DNAH17: variants seen among roughly 807,000 people sequenced by gnomAD.
DNAH17 encodes dynein axonemal heavy chain 17.
DNAH17 carries 376 observed loss-of-function variants against 485.6 expected under a neutral mutation model. The observed-to-expected ratio is 0.77, with a 90% CI of 0.71 to 0.84. DNAH17 has a LOEUF of 0.84. Among genes scored for constraint, DNAH17 ranks in the 40% least tolerant of loss-of-function variants. The probability of loss-of-function intolerance (pLI) is 0.00; values close to 1 mark genes in which losing one functional copy is unlikely to be tolerated. For missense variants in DNAH17, 6,370 were observed against 5,839.3 expected (o/e 1.09, Z -2.96); for synonymous variants, 3,031 against 2,405.9 (o/e 1.26, Z -7.60).
At chr17:78,571,403 C>A (rs1368463645) in intron 4 of DNAH17, 25 bp from the exon 5 acceptor site, 1 of 1,586,070 alleles carries the variant, frequency 6.3e-7, no homozygotes, top group Admixed American at 1.7e-5. Context: ...GAAGATCCAC[C>A]TTTCATTGAC....
Position 78,507,787 on chromosome 17 carries a change from T to TG in DNAH17, c.4254dup (p.Ser1419GlnfsTer73). On this transcript the variant is annotated frameshift_variant, in exon 28 of 81. Coordinates refer to ENST00000389840, the MANE Select transcript of DNAH17 (RefSeq NM_173628.4). LOFTEE classifies it high-confidence loss of function. ...TGGAATTCCATCATGCTCCAGGTAC[T>TG]GTCCAGGGCTTTCAGCACCTTTTGG... is the stretch of plus-strand genomic sequence containing the variant. 6.4e-7 allele frequency: 1 copy of TG among 1,573,726 alleles called. No individual in the cohort carries two copies. The highest frequency in any genetic ancestry group is 8.6e-7 in the Non-Finnish European group (1 of 1,164,734).
In DNAH17 at chr17:78,439,234, C is replaced by CT; in HGVS notation, c.11678-18_11678-17insA. ...GTTTTTTTCCTAAAGAAAAGAAAAA[C>CT]AGGAAAAAAACACCACGTAATTAAA... On this transcript the variant is annotated splice_polypyrimidine_tract_variant and intron_variant, in intron 72 of 80. Coordinates refer to ENST00000389840, the MANE Select transcript of DNAH17 (RefSeq NM_173628.4). The CT allele has an allele frequency of 6.3e-7, 1 of 1,590,592 alleles. No individual in the cohort carries two copies. Among genetic ancestry groups the CT allele is most frequent in the Non-Finnish European group, 8.5e-7 (1 of 1,169,630 alleles).
At chr17:78,522,578 G>T in intron 25 of DNAH17, 1 of 284,400 alleles carries the variant, frequency 3.5e-6, no homozygotes. Flanking sequence ...CCCAACGCAG[G>T]CAGCCACTGG....
chr17:78,447,652 A>C (rs970935893), intron 69 of DNAH17, among the ~76,000 whole-genome samples: 2 of 152,202 alleles, frequency 1.3e-5, no homozygotes, highest in Middle Eastern at 3.2e-3. Flanking sequence ...TAGGGGGAGC[A>C]CTGAGGAACT....
intron 13 of DNAH17, among the ~76,000 whole-genome samples, chr17:78,559,232 C>A (rs2092098124): frequency 6.6e-6 from 1 of 152,232 alleles, no homozygotes; most frequent in South Asian, 2.1e-4. Context: ...CAACCCCAGC[C>A]TCTCTCGTGA....
At chr17:78,488,330 T>C (rs572359008) in intron 44 of DNAH17, among the ~76,000 whole-genome samples, 4 of 152,200 alleles carry the variant, frequency 2.6e-5, no homozygotes, top group African/African-American at 9.6e-5. Context: ...GGGCTGCTCC[T>C]GCTGTCTGGG....
chr17:78,569,761 G>A (rs564579211), intron 7 of DNAH17, among the ~76,000 whole-genome samples: 4 of 152,342 alleles, frequency 2.6e-5, no homozygotes, highest in African/African-American at 9.6e-5. Flanking sequence ...GATGATGAGA[G>A]GCCCTCCAGG....
intron 71 of DNAH17, 75 bp from the exon 72 acceptor site, chr17:78,441,274 G>A: frequency 6.4e-7 from 1 of 1,553,142 alleles, no homozygotes; most frequent in South Asian, 1.2e-5. Context: ...GTGGGCTGTG[G>A]CCCAGGCAGG....
intron 77 of DNAH17, chr17:78,428,191 G>T: frequency 2.5e-6 from 1 of 398,828 alleles, no homozygotes; most frequent in Non-Finnish European, 4.8e-6. Flanking sequence ...AGGCCAGGGT[G>T]GGGAATGGTC....
At chr17:78,545,058 C>T (rs534917064) in intron 16 of DNAH17, among the ~76,000 whole-genome samples, 2 of 148,952 alleles carry the variant, frequency 1.3e-5, no homozygotes, top group East Asian at 4.1e-4. Flanking sequence ...GCCTCTGTCA[C>T]TCTTATCATT....
chr17:78,440,205 G>A (rs1453071027), intron 72 of DNAH17, among the ~76,000 whole-genome samples: 4 of 149,716 alleles, frequency 2.7e-5, no homozygotes, highest in African/African-American at 5.0e-5. Context: ...AAAGTTCTGG[G>A]ACTACAGCTG....
intron 54 of DNAH17, among the ~76,000 whole-genome samples, chr17:78,472,454 C>T (rs2146581984): frequency 6.6e-6 from 1 of 152,284 alleles, no homozygotes; most frequent in East Asian, 1.9e-4. Context: ...CACCCCTTCC[C>T]TCTCATTTGC....
rs1274975215 is a variant in DNAH17, at chr17:78,543,029, C to G, written c.2532+828G>C. Among the ~76,000 whole-genome samples, 4 of 152,214 alleles carry G rather than the reference C, an allele frequency of 2.6e-5. No homozygotes were observed. The South Asian group carries it at 8.3e-4, about 31-fold the overall frequency. On this transcript the variant is annotated intron_variant, in intron 17 of 80. Transcript: ENST00000389840. ...TGGTACCCTTAGCAGAGGGCAGGCC[C>G]ATCATAAGAGGAACCAGGCTTGGAA... is the stretch of plus-strand genomic sequence containing the variant.
intron 69 of DNAH17, among the ~76,000 whole-genome samples, chr17:78,446,619 A>AT (rs1260337047): frequency 2.1e-5 from 3 of 141,728 alleles, no homozygotes; most frequent in African/African-American, 9.2e-5. Flanking sequence ...AGCTTTGCTG[A>AT]TTTTTTAAAT....
rs1216495469 is a variant in DNAH17, at chr17:78,434,216, G to A, written c.12038C>T (p.Thr4013Ile). Reference protein sequence around the residue: ...HKALDLFTQDTLEMCTKEMEF... With the variant: ...HKALDLFTQDILEMCTKEMEF... ...CATCTCCTTGGTGCACATCTCCAGG[G>A]TGTCCTGTGGGGCACACGCTCCGGT... The change falls in exon 75 of 81, where the codon ACC becomes ATC. Residue 4013 changes from threonine to isoleucine, a missense_variant. Transcript: ENST00000389840. 3.1e-6 allele frequency: 5 copies of A among 1,604,662 alleles called. No homozygotes were observed. Among genetic ancestry groups the A allele is most frequent in the Non-Finnish European group, 4.3e-6 (5 of 1,173,022 alleles).
At chr17:78,439,750 A>G (rs1452394988) in intron 72 of DNAH17, among the ~76,000 whole-genome samples, 1 of 146,254 alleles carries the variant, frequency 6.8e-6, no homozygotes, top group Non-Finnish European at 1.5e-5. Flanking sequence ...GCTCACTGCA[A>G]CCTCCACCTC....
chr17:78,485,618 A>G lies in DNAH17; in HGVS notation c.7415T>C (p.Leu2472Pro). The G allele has an allele frequency of 6.8e-6, 11 of 1,613,944 alleles. No individual in the cohort carries two copies. The highest frequency in any genetic ancestry group is 9.3e-6 in the Non-Finnish European group (11 of 1,179,870). Residue 2472 changes from leucine (L) to proline (P), a missense_variant, in exon 47 of 81, where the codon CTG (leucine) becomes CCG (proline). Leu to Pro is a moderately conservative substitution (Grantham distance 98). Coordinates refer to ENST00000389840, the MANE Select transcript of DNAH17 (RefSeq NM_173628.4). Reference sequence around the variant, plus strand: ...CTGCACCAGGTAGTTGTCCGTGTTCAGGCTTTCCAGCTTGTCCCCCATCAG... The same window carrying G: ...CTGCACCAGGTAGTTGTCCGTGTTCGGGCTTTCCAGCTTGTCCCCCATCAG... ...SVLMGDKLES[L>P]NTDNYLVQAV...
Position 78,486,239 on chromosome 17 carries a change from G to C in DNAH17, c.7086C>G (p.Ala2362=), listed in dbSNP as rs373937414. The C allele has an allele frequency of 3.1e-6, 5 of 1,589,724 alleles. No homozygotes were observed. In the South Asian group the frequency reaches 5.7e-5, roughly 18 times the overall value. Residue 2362 remains alanine, a synonymous_variant, in exon 45 of 81, where the codon GCC becomes GCG. Transcript: ENST00000389840. ...GGTGCATCACCTGGTCCTGGAACAT[G>C]GCGCCACCGAAGGCCCAGAAGCAGG... is the stretch of plus-strand genomic sequence containing the variant. The part of the protein sequence containing the change: ...VFTCFWAFGG[A]MFQDQLVDYR...
intron 54 of DNAH17, among the ~76,000 whole-genome samples, chr17:78,474,431 G>A (rs1017854796): frequency 7.2e-5 from 11 of 152,236 alleles, no homozygotes; most frequent in African/African-American, 2.7e-4. Context: ...AGCAGTGTGT[G>A]TTGGGCATGG....
Sources: allele counts gnomAD v4.1 joint callset (sites outside exome capture counted in the v4.1 genomes callset), GRCh38; gene constraint gnomAD v4.1.1; transcripts MANE v1.5; gene names NCBI Gene and HGNC (gene_info 2026-07-23, HGNC 2026-07-21).